The following ZEB2 variants were observed in gnomAD, a reference collection of about 807,000 sequenced individuals.
ZEB2 encodes the protein zinc finger E-box binding homeobox 2.
In ZEB2, 6 loss-of-function variants were observed where a neutral mutation model predicts 99.9. The ratio of observed to expected loss-of-function variants is 0.06; its 90% confidence interval spans 0.03 to 0.12. ZEB2 has a LOEUF of 0.12. ZEB2 is among the 10% of genes least tolerant of loss of function. The pLI, the probability that ZEB2 is intolerant of heterozygous loss-of-function variation, is 1.00. For missense variants in ZEB2, 969 were observed against 1,502.8 expected (o/e 0.64, Z 5.87); for synonymous variants, 517 against 542.5 (o/e 0.95, Z 0.65).
rs1462913081 is a variant in ZEB2 at position 144,398,373 on chromosome 2, G to A, written c.2814C>T (p.Thr938=). The change falls in exon 8 of 10, where the codon ACC becomes ACT. Residue 938 remains threonine, a synonymous_variant. Coordinates refer to ENST00000627532, the MANE Select transcript of ZEB2 (RefSeq NM_014795.4). ...CAAAAGTAGCTGCTCCAGTTGGGTA[G>A]GTGTAGGCCATATGTGGTAGGAAGC... The part of the protein sequence containing the change: ...QMSFLPHMAY[T]YPTGAATFAD... 1.2e-6 allele frequency: 2 copies of A among 1,614,050 alleles called. No individual in the cohort carries two copies. The highest frequency in any genetic ancestry group is 2.2e-5 in the South Asian group (2 of 91,048).
intron 6 of ZEB2, among the ~76,000 whole-genome samples, chr2:144,401,637 T>C (rs1703311997): frequency 6.6e-6 from 1 of 152,208 alleles, no homozygotes; most frequent in South Asian, 2.1e-4. Flanking sequence ...TACCACAAAT[T>C]CTAAAATATG....
At chr2:144,493,502 G>A (rs1258820032) in intron 2 of ZEB2, among the ~76,000 whole-genome samples, 2 of 152,220 alleles carry the variant, frequency 1.3e-5, no homozygotes, top group South Asian at 2.1e-4. Context: ...ATTTGTTTGG[G>A]TCTGAATCCT....
rs918467347 is a variant in ZEB2 at position 144,386,526 on chromosome 2, A to G, written c.*2925T>C. The G allele has an allele frequency of 3.3e-5, 5 of 152,168 alleles. No homozygotes were observed. The highest frequency in any genetic ancestry group is 1.2e-4 in the African/African-American group (5 of 41,456). The allele number at this position is 152,168 out of a possible 1,614,324, so 9.4% of individuals were successfully genotyped here. The stretch of plus-strand genomic sequence containing the variant: ...AACAAATGACAGAGAAGGGGGTAAC[A>G]GGAGGGGCAAGGCAGGGTCTGCCCA... On this transcript the variant is annotated 3_prime_UTR_variant, in exon 10 of 10. Coordinates refer to ENST00000627532, the MANE Select transcript of ZEB2 (RefSeq NM_014795.4).
chr2:144,510,290 C>T (rs1705013141), intron 2 of ZEB2, among the ~76,000 whole-genome samples: 1 of 152,114 alleles, frequency 6.6e-6, no homozygotes, highest in Admixed American at 6.5e-5. Flanking sequence ...TGTGTTCAGG[C>T]TGGGTGTGAG....
At chr2:144,465,804 T>C (rs1332532595) in intron 2 of ZEB2, among the ~76,000 whole-genome samples, 1 of 152,176 alleles carries the variant, frequency 6.6e-6, no homozygotes, top group Non-Finnish European at 1.5e-5. Flanking sequence ...TACATATTTA[T>C]AGTTTAAAAA....
intron 2 of ZEB2, among the ~76,000 whole-genome samples, chr2:144,460,368 C>G (rs1378162787): frequency 6.6e-6 from 1 of 152,028 alleles, no homozygotes; most frequent in Non-Finnish European, 1.5e-5. Context: ...TTTTCTTTCT[C>G]TCTCTCTCTA....
chr2:144,502,529 C>T (rs1351956840), intron 2 of ZEB2, among the ~76,000 whole-genome samples: 2 of 152,090 alleles, frequency 1.3e-5, no homozygotes, highest in Admixed American at 6.5e-5. Context: ...TGACCCACTG[C>T]GCGTTCCTTC....
At position 144,412,785 on chromosome 2, in the gene ZEB2, T is replaced by G. The variant is rs547607897; in HGVS notation, c.404-7761A>C. Among the ~76,000 whole-genome samples the G allele has an allele frequency of 5.9e-4, 90 of 152,248 alleles. 2 individuals are homozygous for G. The highest frequency in any genetic ancestry group is 2.1e-4 in the Non-Finnish European group (14 of 68,044). On this transcript the variant is annotated intron_variant, in intron 4 of 9. Transcript: ENST00000627532. ...GTTCACATAGACTTCCTTCTTCACT[T>G]ACTGAATGTCATCTGTGTGTCTCAA...
intron 2 of ZEB2, chr2:144,516,222 A>ACCCCCCCCC (rs113175667): frequency 3.3e-5 from 3 of 89,638 alleles, no homozygotes; most frequent in Non-Finnish European, 4.8e-5. Flanking sequence ...CAGCTCCCCC[A>ACCCCCCCCC]CCCCCCCCCG....
chr2:144,506,018 G>A (rs1174234719), intron 2 of ZEB2, among the ~76,000 whole-genome samples: 1 of 152,090 alleles, frequency 6.6e-6, no homozygotes, highest in Non-Finnish European at 1.5e-5. Context: ...TAATACTGAA[G>A]GAAAATGGGA....
intron 2 of ZEB2, among the ~76,000 whole-genome samples, chr2:144,446,226 A>G (rs1057132730): frequency 1.3e-5 from 2 of 151,756 alleles, no homozygotes; most frequent in Non-Finnish European, 2.9e-5. Flanking sequence ...CTTTCAGGAG[A>G]CTCCATGCAC....
At chr2:144,413,363 TGTGAA>T (rs1449599039) in intron 4 of ZEB2, among the ~76,000 whole-genome samples, 1 of 152,238 alleles carries the variant, frequency 6.6e-6, no homozygotes, top group Admixed American at 6.5e-5. Context: ...GAACACTTGC[TGTGAA>T]GTGAAGATAG....
intron 2 of ZEB2, among the ~76,000 whole-genome samples, chr2:144,451,466 C>T (rs1704053939): frequency 1.3e-5 from 2 of 152,078 alleles, no homozygotes; most frequent in Non-Finnish European, 2.9e-5. Context: ...GTTATTAGGC[C>T]TCATTAAGAA....
At position 144,400,129 on chromosome 2, in the gene ZEB2, G is replaced by C; in HGVS notation, c.1058C>G (p.Ser353Cys). ...AGGAGAAGAAGAAACAGAATTAGGGGAAGAACCCGTCTTGATATTGTTTCT... is the reference window on the plus strand; with the variant it reads ...AGGAGAAGAAGAAACAGAATTAGGGCAAGAACCCGTCTTGATATTGTTTCT... ...RMRNNIKTGS[S>C]PNSVSSSPTN... Residue 353 changes from serine to cysteine, a missense_variant, in exon 8 of 10, where the codon TCC (serine) becomes TGC (cysteine). Around this residue, in one of 8 missense-constraint regions of ZEB2, gnomAD observed 227 missense variants for 278.2 expected, o/e 0.82. Coordinates refer to ENST00000627532, the MANE Select transcript of ZEB2 (RefSeq NM_014795.4). The C allele has an allele frequency of 6.2e-7, 1 of 1,614,002 alleles. No individual in the cohort carries two copies. The highest frequency in any genetic ancestry group is 1.6e-4 in the Middle Eastern group (1 of 6,062).
chr2:144,453,049 T>C (rs548380882), intron 2 of ZEB2, among the ~76,000 whole-genome samples: 1 of 152,352 alleles, frequency 6.6e-6, no homozygotes, highest in Admixed American at 6.5e-5. Context: ...TTATAGGTCC[T>C]AACTAATCCA....
chr2:144,499,860 T>C (rs1316039769), intron 2 of ZEB2, among the ~76,000 whole-genome samples: 2 of 152,180 alleles, frequency 1.3e-5, no homozygotes, highest in African/African-American at 4.8e-5. Context: ...TGTGTTGTTA[T>C]ATTTCTTAAT....
chr2:144,424,940 G>T, intron 3 of ZEB2, 73 bp from the exon 4 acceptor site: 1 of 1,474,016 alleles, frequency 6.8e-7, no homozygotes, highest in South Asian at 1.1e-5. Context: ...CCAAGCACAG[G>T]AACAAGGAAG....
At chr2:144,519,033 A>G (rs1705220504) in intron 1 of ZEB2, among the ~76,000 whole-genome samples, 1 of 152,296 alleles carries the variant, frequency 6.6e-6, no homozygotes, top group Non-Finnish European at 1.5e-5. Flanking sequence ...AAACACATTC[A>G]TGTTAGCCGG....
intron 2 of ZEB2, among the ~76,000 whole-genome samples, chr2:144,477,166 G>A (rs1461497210): frequency 1.3e-5 from 2 of 152,112 alleles, no homozygotes; most frequent in African/African-American, 2.4e-5. Flanking sequence ...CACAATTCCA[G>A]ATAAAATATA....
Sources: allele counts gnomAD v4.1 joint callset (sites outside exome capture counted in the v4.1 genomes callset), GRCh38; gene constraint gnomAD v4.1.1; regional missense constraint gnomAD v4.1.1; transcripts MANE v1.5; gene names NCBI Gene and HGNC (gene_info 2026-07-23, HGNC 2026-07-21).